The following EPHA6 variants were observed in gnomAD, a reference collection of about 807,000 sequenced individuals.
The protein encoded by EPHA6 is ephrin type-A receptor 6.
A neutral mutation model predicts 112.0 loss-of-function variants in EPHA6; 50 were observed. The ratio of observed to expected loss-of-function variants is 0.45; its 90% CI spans 0.36 to 0.56. The LOEUF is 0.56. EPHA6 is among the 20% of genes least tolerant of loss of function. EPHA6 has a pLI of 0.00. For synonymous variants in EPHA6, 529 were observed against 490.7 expected, an observed-to-expected ratio of 1.08 and a Z score of -1.03; for missense variants, 1,280 against 1,417.4, an observed-to-expected ratio of 0.90 and a Z score of 1.56.
At chr3:96,843,993 A>T (rs1246267219) in intron 1 of EPHA6, among the ~76,000 whole-genome samples, 2 of 151,920 alleles carry the variant, frequency 1.3e-5, no homozygotes, top group African/African-American at 4.8e-5. Context: ...TTTCCCACTA[A>T]ATCTTTCTTT....
intron 10 of EPHA6, among the ~76,000 whole-genome samples, chr3:97,498,139 A>G (rs1455176186): frequency 2.0e-5 from 3 of 152,114 alleles, no homozygotes; most frequent in Admixed American, 6.6e-5. Context: ...GACGAAAATC[A>G]CTATGCTCTT....
intron 2 of EPHA6, among the ~76,000 whole-genome samples, chr3:96,913,138 G>A (rs957847135): frequency 1.4e-5 from 2 of 147,814 alleles, no homozygotes; most frequent in African/African-American, 5.0e-5. Context: ...AGACCAGGCT[G>A]GGCAACATAG....
intron 3 of EPHA6, among the ~76,000 whole-genome samples, chr3:97,185,693 C>T (rs1351001401): frequency 6.6e-6 from 1 of 152,006 alleles, no homozygotes; most frequent in Non-Finnish European, 1.5e-5. Flanking sequence ...TACCATTTGA[C>T]CCAGCCATCC....
At chr3:97,438,870 GTT>G (rs1314855239) in intron 6 of EPHA6, among the ~76,000 whole-genome samples, 1 of 152,088 alleles carries the variant, frequency 6.6e-6, no homozygotes, top group African/African-American at 2.4e-5. Context: ...AACCTTTCCA[GTT>G]TTCATAGATG....
intron 5 of EPHA6, among the ~76,000 whole-genome samples, chr3:97,335,169 G>A (rs1224169168): frequency 6.6e-6 from 1 of 152,180 alleles, no homozygotes; most frequent in Non-Finnish European, 1.5e-5. Context: ...GAGATCATGA[G>A]TGTGGGGTAC....
At chr3:97,561,733 TC>T (rs2093195397) in intron 11 of EPHA6, among the ~76,000 whole-genome samples, 1 of 152,072 alleles carries the variant, frequency 6.6e-6, no homozygotes, top group African/African-American at 2.4e-5. Context: ...GGAACATACT[TC>T]TATTGGAAGA....
intron 11 of EPHA6, among the ~76,000 whole-genome samples, chr3:97,535,084 G>A (rs1018737965): frequency 6.6e-6 from 1 of 151,452 alleles, no homozygotes; most frequent in Non-Finnish European, 1.5e-5. Flanking sequence ...GAAAAAAGAT[G>A]TATATCCCTG....
intron 3 of EPHA6, among the ~76,000 whole-genome samples, chr3:97,030,177 A>C (rs2044776533): frequency 6.6e-6 from 1 of 152,090 alleles, no homozygotes; most frequent in Admixed American, 6.6e-5. Flanking sequence ...GAAGGCAGAA[A>C]TTTAACTTGA....
At chr3:97,641,106 C>T (rs2093999727) in intron 14 of EPHA6, among the ~76,000 whole-genome samples, 1 of 151,868 alleles carries the variant, frequency 6.6e-6, no homozygotes, top group Non-Finnish European at 1.5e-5. Context: ...ACAGAGAATC[C>T]CTATTAGAGA....
intron 3 of EPHA6, among the ~76,000 whole-genome samples, chr3:97,202,526 G>A (rs1018597054): frequency 6.6e-6 from 1 of 151,916 alleles, no homozygotes; most frequent in Non-Finnish European, 1.5e-5. Flanking sequence ...TGGAGACAGG[G>A]TTTTGCCATG....
intron 14 of EPHA6, among the ~76,000 whole-genome samples, chr3:97,645,789 A>G (rs1231823983): frequency 1.3e-5 from 2 of 152,208 alleles, no homozygotes; most frequent in African/African-American, 4.8e-5. Flanking sequence ...TTGTATCTAT[A>G]TATAACTTTC....
intron 2 of EPHA6, among the ~76,000 whole-genome samples, chr3:96,969,483 T>G (rs1209181280): frequency 1.3e-5 from 2 of 151,942 alleles, no homozygotes; most frequent in Admixed American, 1.3e-4. Context: ...GCTATAATTT[T>G]AATTGAAATA....
intron 5 of EPHA6, among the ~76,000 whole-genome samples, chr3:97,245,008 C>T (rs1277720388): frequency 6.6e-6 from 1 of 151,926 alleles, no homozygotes; most frequent in African/African-American, 2.4e-5. Flanking sequence ...TTTTAAAACT[C>T]CTTTCGAGAA....
At chr3:97,105,567 CTGAT>C (rs2047542029) in intron 3 of EPHA6, among the ~76,000 whole-genome samples, 1 of 152,052 alleles carries the variant, frequency 6.6e-6, no homozygotes, top group Non-Finnish European at 1.5e-5. Flanking sequence ...TATTTTCTGT[CTGAT>C]TGTGTGATCA....
At chr3:97,588,774 AC>A (rs1239107364) in intron 11 of EPHA6, among the ~76,000 whole-genome samples, 1 of 152,236 alleles carries the variant, frequency 6.6e-6, no homozygotes, top group Non-Finnish European at 1.5e-5. Flanking sequence ...AAATTGAAGC[AC>A]AGTTTAAGCT....
intron 3 of EPHA6, among the ~76,000 whole-genome samples, chr3:97,020,955 C>T (rs765277001): frequency 5.9e-5 from 9 of 151,834 alleles, no homozygotes; most frequent in Non-Finnish European, 1.2e-4. Context: ...TGGGTTAAAT[C>T]GTTGTTGATA....
intron 3 of EPHA6, among the ~76,000 whole-genome samples, chr3:97,165,568 C>T (rs1170776187): frequency 1.3e-5 from 2 of 151,978 alleles, no homozygotes; most frequent in African/African-American, 4.8e-5. Context: ...TGGTAAAGAG[C>T]AGAAAAGAGT....
intron 10 of EPHA6, among the ~76,000 whole-genome samples, chr3:97,503,490 C>T (rs1011978814): frequency 6.6e-6 from 1 of 152,166 alleles, no homozygotes; most frequent in Non-Finnish European, 1.5e-5. Flanking sequence ...TCCTTCTACC[C>T]TGCACCAAAA....
At chr3:97,644,248 A>G (rs1214524960) in intron 14 of EPHA6, among the ~76,000 whole-genome samples, 1 of 151,546 alleles carries the variant, frequency 6.6e-6, no homozygotes, top group Non-Finnish European at 1.5e-5. Flanking sequence ...AACGAGAACA[A>G]AGACACAACA....
Sources: gnomAD v4.1 joint callset for allele counts (sites outside exome capture counted in the v4.1 genomes callset) on GRCh38, gnomAD v4.1.1 for gene constraint, MANE v1.5 for transcripts, NCBI Gene and HGNC (gene_info 2026-07-23, HGNC 2026-07-21) for gene names.